Variants in USE1 observed in about 807,000 individuals in gnomAD.
USE1 encodes the protein vesicle transport protein USE1.
USE1 carries 32 observed loss-of-function variants against 37.6 expected under a neutral mutation model. The ratio of observed to expected loss-of-function variants is 0.85; its 90% CI spans 0.64 to 1.14. The LOEUF (loss-of-function observed/expected upper bound fraction) is 1.14. Ranked by LOEUF, USE1 falls within the 50% of genes most tolerant of loss-of-function variation. The probability of loss-of-function intolerance (pLI) is 0.00; values close to 1 mark genes in which losing one functional copy is unlikely to be tolerated. For synonymous variants in USE1, 149 were observed against 137.6 expected, an observed-to-expected ratio of 1.08 and a Z score of -0.58; for missense variants, 310 against 332.2, an observed-to-expected ratio of 0.93 and a Z score of 0.52.
At chr19:17,217,613 G>A in intron 5 of USE1, 151 bp downstream of exon 5, 1 of 1,181,908 alleles carries the variant, frequency 8.5e-7, no homozygotes, top group East Asian at 2.8e-5. Context: ...AGCCAGGACA[G>A]AGGAAATGGC....
chr19:17,216,467 C>G, intron 4 of USE1, 146 bp downstream of exon 4: 1 of 1,164,386 alleles, frequency 8.6e-7, no homozygotes, highest in Admixed American at 2.7e-5. Context: ...CACAAGGCTG[C>G]CCAACAGAGG....
chr19:17,218,212 G>C (rs2073302228), intron 5 of USE1, 152 bp from the exon 6 acceptor site: 1 of 978,598 alleles, frequency 1.0e-6, no homozygotes, highest in East Asian at 2.7e-5. Context: ...TCCTAGAAGA[G>C]GGGGTATTCA....
intron 4 of USE1, among the ~76,000 whole-genome samples, chr19:17,217,008 A>AAAAAAAAAAAATATGAGCCT (rs2073294802): frequency 6.6e-6 from 1 of 151,972 alleles, no homozygotes; most frequent in South Asian, 2.1e-4. Flanking sequence ...TGTCGTTACC[A>AAAAAAAAAAAATATGAGCCT]GTTTAAGGTT....
chr19:17,219,575 G>C, intron 7 of USE1, 56 bp from the exon 8 acceptor site: 3 of 1,538,086 alleles, frequency 2.0e-6, no homozygotes, highest in Non-Finnish European at 2.6e-6. Context: ...CAGGGAAGTA[G>C]AGAGAGGCCA....
rs373693150 is a variant in USE1, at chr19:17,215,849, G to A, written c.150G>A (p.Ala50=). 3 of 1,608,600 alleles carry A rather than the reference G, an allele frequency of 1.9e-6. No individual in the cohort carries two copies. The highest frequency in any genetic ancestry group is 2.7e-5 in the African/African-American group (2 of 74,788). The part of the protein sequence containing the change: ...EDMLQALKVH[A]SKPASEVINE... ...TGTTGCAGGCCCTGAAGGTCCACGCGAGGTGAGTGCAGGCAGCCTCAGGGC... is the reference window on the plus strand; with the variant it reads ...TGTTGCAGGCCCTGAAGGTCCACGCAAGGTGAGTGCAGGCAGCCTCAGGGC... The change falls in exon 2 of 8, where the codon GCG becomes GCA. Residue 50 remains alanine (A), a splice_region_variant and synonymous_variant. Transcript: ENST00000263897.
chr19:17,216,842 G>A (rs911371700), intron 4 of USE1, among the ~76,000 whole-genome samples: 3 of 152,088 alleles, frequency 2.0e-5, no homozygotes, highest in Admixed American at 6.6e-5. Flanking sequence ...GCTGGGCATG[G>A]TGGCTCACGC....
chr19:17,219,267 C>G lies in USE1; in HGVS notation c.477C>G (p.Asp159Glu). 1 of 1,613,810 alleles carries G rather than the reference C, an allele frequency of 6.2e-7. No homozygotes were observed. The highest frequency in any genetic ancestry group is 8.5e-7 in the Non-Finnish European group (1 of 1,179,860). Reference sequence around the variant, plus strand: ...AGAAGCAGTTGGCAGCTGAGCTAGACCTCGTCCTGCAGCGACATCAGAACC... The same window carrying G: ...AGAAGCAGTTGGCAGCTGAGCTAGAGCTCGTCCTGCAGCGACATCAGAACC... ...VSEKQLAAELDLVLQRHQNLQ... is the reference protein window; with the variant it reads ...VSEKQLAAELELVLQRHQNLQ... The change falls in exon 7 of 8, where the codon GAC becomes GAG. Residue 159 changes from aspartate (D) to glutamate (E), a missense_variant. Transcript: ENST00000263897.
intron 4 of USE1, among the ~76,000 whole-genome samples, chr19:17,217,146 T>C (rs933936687): frequency 2.0e-5 from 3 of 150,824 alleles, no homozygotes; most frequent in African/African-American, 7.3e-5. Flanking sequence ...CTTTTTTTTT[T>C]TTTTTTGCGA....
At chr19:17,219,140 AAG>A (rs2073309020) in intron 6 of USE1, 71 bp from the exon 7 acceptor site, 7 of 1,512,194 alleles carry the variant, frequency 4.6e-6, no homozygotes, top group East Asian at 2.3e-5. Context: ...AAAAAAAAAA[AAG>A]AAAATGTGTT....
chr19:17,215,673 T>A, intron 1 of USE1, 129 bp from the exon 2 acceptor site: 4 of 977,172 alleles, frequency 4.1e-6, no homozygotes, highest in Non-Finnish European at 6.0e-6. Context: ...TCCCTGGGAC[T>A]CCGCCCCTCC....
chr19:17,215,702 T>G, intron 1 of USE1, 100 bp from the exon 2 acceptor site: 1 of 565,360 alleles, frequency 1.8e-6, no homozygotes, highest in Non-Finnish European at 2.5e-6. Flanking sequence ...CCCCGCCTCC[T>G]TTACGCTTGA....
rs371353039 is a variant in USE1 at position 17,219,825 on chromosome 19, C to T, written c.*12C>T. ...CTAAACTCAAATAAAGACCCCCGCC[C>T]ACCTTGTCTGTCTTCCGTCTGTCCC... On this transcript the variant is annotated 3_prime_UTR_variant, in exon 8 of 8. Transcript: ENST00000263897. 514 of 1,573,428 alleles carry T rather than the reference C, an allele frequency of 3.3e-4. No homozygotes were observed. The highest frequency in any genetic ancestry group is 3.5e-4 in the Non-Finnish European group (402 of 1,158,276).
chr19:17,218,187 G>A (rs1011979120), intron 5 of USE1, 177 bp from the exon 6 acceptor site: 2 of 775,948 alleles, frequency 2.6e-6, no homozygotes, highest in Non-Finnish European at 4.2e-6. Context: ...AACCGAGACA[G>A]GAGTAAGGAG....
chr19:17,217,365 A>T, intron 4 of USE1, 88 bp from the exon 5 acceptor site: 3 of 1,463,670 alleles, frequency 2.0e-6, no homozygotes, highest in Non-Finnish European at 1.9e-6. Context: ...CGAACTTCTG[A>T]CCTCAGGTGA....
At chr19:17,219,470 C>T in intron 7 of USE1, 83 bp downstream of exon 7, 2 of 1,459,854 alleles carry the variant, frequency 1.4e-6, no homozygotes, top group Non-Finnish European at 9.2e-7. Flanking sequence ...GTGGCTGGGG[C>T]TTTGCGGGAT....
Position 17,215,395 on chromosome 19 carries a change from G to A in USE1, c.-11G>A, listed in dbSNP as rs79273849. On this transcript the variant is annotated 5_prime_UTR_variant, in exon 1 of 8. Transcript: ENST00000263897. The stretch of plus-strand genomic sequence containing the variant: ...GAGCCGGCGGAAGGGGTGGTGTAGG[G>A]CCGGGCGATAATGGCGGCGTCGAGG... 3.9e-4 allele frequency: 602 copies of A among 1,553,872 alleles called. No individual in the cohort carries two copies. In the African/African-American group the frequency reaches 7.2e-3, roughly 18 times the overall value.
intron 3 of USE1, 31 bp downstream of exon 3, chr19:17,216,101 C>G (rs773165632): frequency 1.2e-6 from 2 of 1,613,402 alleles, no homozygotes; most frequent in African/African-American, 1.3e-5. Context: ...CCCCTCAGCC[C>G]CCATCACCGC....
Position 17,219,668 on chromosome 19 carries a change from T to C in USE1, c.635T>C (p.Leu212Pro). ...SHSLKMADQNLEKLKTESERL... is the reference protein window; with the variant it reads ...SHSLKMADQNPEKLKTESERL... ...TCACTGAAAATGGCGGACCAGAACC[T>C]GGAGAAACTGAAGACGGAGTCAGAG... Residue 212 changes from leucine (L) to proline (P), a missense_variant, in exon 8 of 8, where the codon CTG becomes CCG. Physicochemically the swap from Leu to Pro is moderately conservative, Grantham distance 98. Coordinates refer to ENST00000263897, the MANE Select transcript of USE1 (RefSeq NM_018467.4). 1 of 1,610,792 alleles carries C rather than the reference T, an allele frequency of 6.2e-7. No homozygotes were observed. Among genetic ancestry groups the C allele is most frequent in the Non-Finnish European group, 8.5e-7 (1 of 1,177,600 alleles).
At chr19:17,217,189 G>A (rs546037185) in intron 4 of USE1, among the ~76,000 whole-genome samples, 3 of 148,758 alleles carry the variant, frequency 2.0e-5, no homozygotes, top group African/African-American at 7.4e-5. Flanking sequence ...AGGCTAGAGT[G>A]TGGTGGCGCG....
Sources: allele counts gnomAD v4.1 joint callset (sites outside exome capture counted in the v4.1 genomes callset), GRCh38; gene constraint gnomAD v4.1.1; transcripts MANE v1.5; gene names NCBI Gene and HGNC (gene_info 2026-07-23, HGNC 2026-07-21).